The following ANK3 variants were observed in gnomAD, a reference collection of about 807,000 sequenced individuals.
The protein encoded by ANK3 is ankyrin-3.
In ANK3, 57 loss-of-function variants were observed where a neutral mutation model predicts 370.9. The observed-to-expected ratio is 0.15, with a 90% CI of 0.12 to 0.19. ANK3 has a LOEUF of 0.19. ANK3 is among the 10% of genes least tolerant of loss of function. The pLI is 1.00. For missense variants in ANK3, 4,439 were observed against 5,302.1 expected (o/e 0.84, Z 5.06); for synonymous variants, 1,929 against 1,946.3 (o/e 0.99, Z 0.23).
intron 2 of ANK3, among the ~76,000 whole-genome samples, chr10:60,448,965 A>T (rs1042199618): frequency 4.6e-5 from 7 of 152,162 alleles, no homozygotes; most frequent in African/African-American, 1.7e-4. Flanking sequence ...GCTGACCTTT[A>T]TCTCTTCATT....
At chr10:60,731,032 C>T (rs928566143) in intron 1 of ANK3, among the ~76,000 whole-genome samples, 10 of 152,040 alleles carry the variant, frequency 6.6e-5, no homozygotes, top group African/African-American at 2.4e-4. Context: ...CCTATAATTA[C>T]AATAACACAT....
chr10:60,343,956 G>A (rs766382102), intron 1 of ANK3, among the ~76,000 whole-genome samples: 15 of 152,196 alleles, frequency 9.9e-5, no homozygotes, highest in Non-Finnish European at 1.2e-4. Context: ...CCCTTGCTAC[G>A]GCAAGTGCCA....
intron 1 of ANK3, among the ~76,000 whole-genome samples, chr10:60,323,001 C>T (rs1482034063): frequency 6.6e-6 from 1 of 151,972 alleles, no homozygotes; most frequent in African/African-American, 2.4e-5. Flanking sequence ...ATTGAGATGC[C>T]CATTTGACAT....
At chr10:60,689,582 A>C (rs1218530638) in intron 1 of ANK3, among the ~76,000 whole-genome samples, 2 of 151,438 alleles carry the variant, frequency 1.3e-5, no homozygotes, top group African/African-American at 2.4e-5. Flanking sequence ...CAAAACCCCG[A>C]CTCTACTAAA....
chr10:60,693,285 T>G (rs1383156862), intron 1 of ANK3, among the ~76,000 whole-genome samples: 1 of 152,078 alleles, frequency 6.6e-6, no homozygotes, highest in African/African-American at 2.4e-5. Context: ...TTGCTAGCAG[T>G]CTGAGATCAA....
intron 2 of ANK3, among the ~76,000 whole-genome samples, chr10:60,605,912 A>G (rs960022598): frequency 1.3e-5 from 2 of 152,218 alleles, no homozygotes; most frequent in African/African-American, 4.8e-5. Flanking sequence ...ACTTCATGCA[A>G]AAGTTCCTGC....
chr10:60,314,014 G>C (rs115154451), intron 1 of ANK3, among the ~76,000 whole-genome samples: 33 of 151,088 alleles, frequency 2.2e-4, no homozygotes, highest in African/African-American at 7.5e-4. Flanking sequence ...CCCTGCTAGA[G>C]TGTGCACTCT....
In ANK3 at chr10:60,107,773, A is replaced by G. The variant is rs186674256; in HGVS notation, c.3173+1057T>C. On this transcript the variant is annotated intron_variant, in intron 27 of 43. Coordinates refer to ENST00000280772, the MANE Select transcript of ANK3 (RefSeq NM_020987.5). ...CACACACACACACATGCGCACGCGCACACACACACACAGGTGTACATACAT... is the reference window on the plus strand; with the variant it reads ...CACACACACACACATGCGCACGCGCGCACACACACACAGGTGTACATACAT... 2.0e-5 allele frequency among the ~76,000 whole-genome samples: 3 copies of G among 152,062 alleles called. No individual in the cohort carries two copies. In the East Asian group the frequency reaches 5.8e-4, roughly 29 times the overall value.
rs114032632 is a variant in ANK3 at position 60,549,046 on chromosome 10, C to T, written c.96+66140G>A. On this transcript the variant is annotated intron_variant, in intron 2 of 43. Transcript: ENST00000373827. ...ATGGAAATTAAGTAAGAAACCAAGC[C>T]TTTATTACCAGTCCTTCTGAATGAC... 5.9e-3 allele frequency among the ~76,000 whole-genome samples: 895 copies of T among 152,050 alleles called. 10 individuals are homozygous for T. Among genetic ancestry groups the T allele is most frequent in the African/African-American group, 0.021 (853 of 41,490 alleles).
Position 60,072,852 on chromosome 10 carries a change from C to T in ANK3, c.8029G>A (p.Val2677Ile), listed in dbSNP as rs1564794724. 1.2e-5 allele frequency: 19 copies of T among 1,614,096 alleles called. No individual in the cohort carries two copies. Among genetic ancestry groups the T allele is most frequent in the Non-Finnish European group, 1.6e-5 (19 of 1,180,010 alleles). Residue 2677 changes from valine (V) to isoleucine (I), a missense_variant, in exon 37 of 44, where the codon GTT (valine) becomes ATT (isoleucine). By Grantham distance (29) the Val-to-Ile change is conservative. Around this residue, in one of 13 missense-constraint regions of ANK3, gnomAD observed 1,601 missense variants for 1,731.7 expected, o/e 0.92. Coordinates refer to ENST00000280772, the MANE Select transcript of ANK3 (RefSeq NM_020987.5). The stretch of plus-strand genomic sequence containing the variant: ...CTGTCCTCAGTCTGTTGGGAGAGAA[C>T]CATCTTCTCTGGGCTGCTGGGCAGA... ...PSLPSSPEKM[V>I]LSQQTEDSKS...
chr10:60,304,739 C>T (rs773472474), intron 1 of ANK3, among the ~76,000 whole-genome samples: 2 of 151,922 alleles, frequency 1.3e-5, no homozygotes, highest in Non-Finnish European at 2.9e-5. Context: ...AATTATTTGC[C>T]ACTGTTTGAA....
At chr10:60,295,585 A>G (rs931908824) in intron 1 of ANK3, among the ~76,000 whole-genome samples, 2 of 152,184 alleles carry the variant, frequency 1.3e-5, no homozygotes, top group African/African-American at 4.8e-5. Flanking sequence ...AAGTAAGGGA[A>G]GCAAACAAAG....
chr10:60,287,896 T>C (rs1287813640), intron 1 of ANK3, among the ~76,000 whole-genome samples: 1 of 152,162 alleles, frequency 6.6e-6, no homozygotes, highest in Non-Finnish European at 1.5e-5. Context: ...CTCTTATCTG[T>C]TTAATAGATT....
chr10:60,246,815 G>A (rs2097563139), intron 7 of ANK3, among the ~76,000 whole-genome samples: 1 of 152,110 alleles, frequency 6.6e-6, no homozygotes, highest in Admixed American at 6.6e-5. Flanking sequence ...TGAGTTAGGG[G>A]GAAAGCAGAC....
At chr10:60,356,865 C>T (rs931101887) in intron 1 of ANK3, among the ~76,000 whole-genome samples, 5 of 152,128 alleles carry the variant, frequency 3.3e-5, no homozygotes, top group South Asian at 2.1e-4. Context: ...TGCACCACCA[C>T]GCCTGGCTAA....
chr10:60,276,067 G>C (rs534665467), intron 4 of ANK3, among the ~76,000 whole-genome samples: 2 of 152,082 alleles, frequency 1.3e-5, no homozygotes, highest in African/African-American at 4.8e-5. Flanking sequence ...GAGTTAACTT[G>C]TTAAGACCTA....
intron 10 of ANK3, among the ~76,000 whole-genome samples, 155 bp from the exon 11 acceptor site, chr10:60,206,045 T>C (rs562516537): frequency 4.6e-5 from 7 of 152,310 alleles, no homozygotes; most frequent in African/African-American, 1.4e-4. Flanking sequence ...ATTCTAGAAG[T>C]AGTCCAGCTG....
intron 2 of ANK3, among the ~76,000 whole-genome samples, chr10:60,494,478 G>T (rs932389223): frequency 5.9e-5 from 9 of 152,026 alleles, no homozygotes; most frequent in African/African-American, 2.2e-4. Context: ...TATCACTTTT[G>T]ATCATTGTAT....
intron 23 of ANK3, among the ~76,000 whole-genome samples, chr10:60,153,535 G>C (rs2095229489): frequency 6.6e-6 from 1 of 152,064 alleles, no homozygotes; most frequent in South Asian, 2.1e-4. Context: ...GATGGAGAAG[G>C]GTGAGAAAAG....
Sources: gnomAD v4.1 joint callset for allele counts (sites outside exome capture counted in the v4.1 genomes callset) on GRCh38, gnomAD v4.1.1 for gene constraint, gnomAD v4.1.1 regional missense constraint, MANE v1.5 for transcripts, NCBI Gene and HGNC (gene_info 2026-07-23, HGNC 2026-07-21) for gene names.